Variants in EFCAB12 observed in about 807,000 individuals in gnomAD.
EFCAB12 encodes the protein EF-hand calcium-binding domain-containing protein 12.
A neutral mutation model predicts 53.6 loss-of-function variants in EFCAB12; 43 were observed. The observed-to-expected ratio is 0.80, with a 90% CI of 0.63 to 1.03. The LOEUF (loss-of-function observed/expected upper bound fraction) is 1.03. Among genes scored for constraint, EFCAB12 ranks in the 50% least tolerant of loss-of-function variants. The pLI is 0.00. For missense variants in EFCAB12, 646 were observed against 730.6 expected (o/e 0.88, Z 1.34); for synonymous variants, 269 against 289.2 (o/e 0.93, Z 0.71).
intron 1 of EFCAB12, among the ~76,000 whole-genome samples, chr3:129,422,142 T>A (rs188858517): frequency 1.3e-5 from 2 of 152,302 alleles, no homozygotes; most frequent in Non-Finnish European, 2.9e-5. Context: ...GAGCAGAGGC[T>A]TTGGGGCCAG....
rs1466529982 is a variant in EFCAB12, at chr3:129,404,390, T to C, written c.1263A>G (p.Pro421=). 4 of 1,613,186 alleles carry C rather than the reference T, an allele frequency of 2.5e-6. No homozygotes were observed. Among genetic ancestry groups the C allele is most frequent in the Non-Finnish European group, 3.4e-6 (4 of 1,179,688 alleles). The part of the protein sequence containing the change: ...EDILMKALLY[P]GDKIIFQMDK... ...CCATCTGGAAAATGATCTTGTCTCCTGGGTACAGCAAGGCTGTGGACAGCA... is the reference window on the plus strand; with the variant it reads ...CCATCTGGAAAATGATCTTGTCTCCCGGGTACAGCAAGGCTGTGGACAGCA... Residue 421 remains proline (P), a synonymous_variant, in exon 7 of 9, where the codon CCA becomes CCG. Transcript: ENST00000505956.
chr3:129,411,441 C>A, intron 4 of EFCAB12, 87 bp from the exon 5 acceptor site: 2 of 1,361,720 alleles, frequency 1.5e-6, no homozygotes, highest in Non-Finnish European at 1.0e-6. Context: ...CAGTGTCACC[C>A]AGCAGGCACC....
intron 3 of EFCAB12, among the ~76,000 whole-genome samples, chr3:129,416,417 CA>C (rs2072115667): frequency 7.0e-6 from 1 of 143,070 alleles, no homozygotes; most frequent in Non-Finnish European, 1.5e-5. Flanking sequence ...AGCTCCGTCT[CA>C]AAACAAACAA....
rs568767752 is a variant in EFCAB12, at chr3:129,408,743, A to G, written c.1151T>C (p.Ile384Thr). 25 of 1,584,684 alleles carry G rather than the reference A, an allele frequency of 1.6e-5. No individual in the cohort carries two copies. Among genetic ancestry groups the G allele is most frequent in the African/African-American group, 1.1e-4 (8 of 74,412 alleles). Residue 384 changes from isoleucine to threonine, a missense_variant, in exon 6 of 9, where the codon ATT becomes ACT. Ile to Thr is a moderately conservative substitution (Grantham distance 89, BLOSUM62 -1). Transcript: ENST00000505956. ...STIHGDMREL[I>T]DSARRHNFLV... is the part of the protein sequence containing the mutation. ...AAAGTTGTGCCTGCGGGCCGAGTCA[A>G]TGAGCTCCCTCATATCCCCGTGGAT... is the stretch of plus-strand genomic sequence containing the variant.
intron 3 of EFCAB12, among the ~76,000 whole-genome samples, chr3:129,417,537 A>T (rs1418741711): frequency 6.6e-6 from 1 of 152,186 alleles, no homozygotes; most frequent in Non-Finnish European, 1.5e-5. Context: ...TTTAAAAAAC[A>T]GGAAGCAGGC....
At chr3:129,411,565 C>T (rs1457043981) in intron 4 of EFCAB12, 3 of 462,092 alleles carry the variant, frequency 6.5e-6, no homozygotes, top group Non-Finnish European at 1.1e-5. Context: ...TCCCTTACTG[C>T]ACCAACCCCA....
At chr3:129,408,326 G>A (rs78800293) in intron 6 of EFCAB12, among the ~76,000 whole-genome samples, 4,168 of 152,206 alleles carry the variant, frequency 0.027, 169 homozygotes, top group African/African-American at 0.094. Flanking sequence ...TTTCTCACTT[G>A]GAACTCCTGT....
At chr3:129,412,971 T>G (rs2072064814) in intron 4 of EFCAB12, 1 of 152,238 alleles carries the variant, frequency 6.6e-6, no homozygotes, top group Admixed American at 6.5e-5. Context: ...CGTCTCAAGC[T>G]GAAATAATAT....
chr3:129,415,612 G>A (rs1166306836), intron 3 of EFCAB12, among the ~76,000 whole-genome samples: 2 of 152,146 alleles, frequency 1.3e-5, no homozygotes, highest in African/African-American at 4.8e-5. Flanking sequence ...CCTTTGCTCA[G>A]GCAGTTCCCC....
intron 2 of EFCAB12, among the ~76,000 whole-genome samples, chr3:129,419,497 T>A (rs1486900834): frequency 2.0e-5 from 3 of 152,204 alleles, no homozygotes; most frequent in Non-Finnish European, 4.4e-5. Flanking sequence ...ATTTATGGAT[T>A]AATGGATTAA....
intron 1 of EFCAB12, among the ~76,000 whole-genome samples, chr3:129,423,251 T>C (rs1401538355): frequency 6.6e-6 from 1 of 152,248 alleles, no homozygotes; most frequent in East Asian, 1.9e-4. Context: ...ATTTTACTTC[T>C]GAAATGATAT....
In EFCAB12 at chr3:129,417,346, A is replaced by G. The variant is rs904109662; in HGVS notation, c.681+908T>C. Reference sequence around the variant, plus strand: ...CTCAAAAAAAAAAAAAAAACCAAAAAAAAAAAACCCAAAACCAAAAAAAAA... The same window carrying G: ...CTCAAAAAAAAAAAAAAAACCAAAAGAAAAAAACCCAAAACCAAAAAAAAA... On this transcript the variant is annotated intron_variant, in intron 3 of 8. Coordinates refer to ENST00000505956, the MANE Select transcript of EFCAB12 (RefSeq NM_207307.3). Among the ~76,000 whole-genome samples the G allele has an allele frequency of 5.0e-4, 72 of 143,790 alleles. No homozygotes were observed. In the South Asian group the frequency reaches 0.013, roughly 25 times the overall value. The allele number at this position is 143,790 out of a possible 152,430, so 94.3% of individuals were successfully genotyped here. A position where few individuals can be genotyped will look rare whatever the true frequency, so the allele number is the denominator to read the frequency against.
chr3:129,401,716 A>C lies in EFCAB12; in HGVS notation c.1596T>G (p.Cys532Trp). 6.3e-7 allele frequency: 1 copy of C among 1,597,422 alleles called. No individual in the cohort carries two copies. The highest frequency in any genetic ancestry group is 1.3e-5 in the African/African-American group (1 of 74,812). ...ATDRSLALFS[C>W]VQHQPHVYPA... Reference sequence around the variant, plus strand: ...GGTAGACATGGGGCTGGTGTTGAACACAACTGAAGAGCGCCAGGCTCCGGT... The same window carrying C: ...GGTAGACATGGGGCTGGTGTTGAACCCAACTGAAGAGCGCCAGGCTCCGGT... The change falls in exon 9 of 9, where the codon TGT becomes TGG. Residue 532 changes from cysteine (C) to tryptophan (W), a missense_variant. Coordinates refer to ENST00000505956, the MANE Select transcript of EFCAB12 (RefSeq NM_207307.3).
At position 129,411,169 on chromosome 3, in the gene EFCAB12, G is replaced by T. The variant is rs375114254; in HGVS notation, c.1024C>A (p.Arg342=). The change falls in exon 5 of 9, where the codon CGA becomes AGA. Residue 342 remains arginine, a synonymous_variant. Transcript: ENST00000505956. ...GGCTGGCGAGGTACCTTGTGCTGTCGCTGCCGCTCGCGGTACCGCTTGCCC... is the reference window on the plus strand; with the variant it reads ...GGCTGGCGAGGTACCTTGTGCTGTCTCTGCCGCTCGCGGTACCGCTTGCCC... ...EVGKRYRERQ[R]QHKLTIPSIQ... 6.3e-7 allele frequency: 1 copy of T among 1,588,052 alleles called. No individual in the cohort carries two copies. Among genetic ancestry groups the T allele is most frequent in the Admixed American group, 1.8e-5 (1 of 54,980 alleles).
chr3:129,428,241 T>G (rs1455131848), intron 1 of EFCAB12, among the ~76,000 whole-genome samples, 199 bp downstream of exon 1: 1 of 152,180 alleles, frequency 6.6e-6, no homozygotes, highest in Non-Finnish European at 1.5e-5. Flanking sequence ...TCCCGTCACA[T>G]GGGTCGGGCC....
intron 8 of EFCAB12, among the ~76,000 whole-genome samples, chr3:129,402,244 G>A (rs2071882376): frequency 6.6e-6 from 1 of 152,216 alleles, no homozygotes; most frequent in Non-Finnish European, 1.5e-5. Flanking sequence ...GTGCGACTCT[G>A]AGCATGATAT....
Position 129,414,124 on chromosome 3 carries a change from G to T in EFCAB12, c.838+1121C>A, listed in dbSNP as rs1392598751. The T allele has an allele frequency of 1.3e-5, 2 of 152,262 alleles. 1 individual carries two copies. Among genetic ancestry groups the T allele is most frequent in the African/African-American group, 4.8e-5 (2 of 41,454 alleles). The allele number at this position is 152,262 out of a possible 1,614,324, so 9.4% of individuals were successfully genotyped here. ...TTGGGGTGGTGACACATGCAGGAGC[G>T]ACTGTTGGGGTGCTGAGCTTCCCTG... On this transcript the variant is annotated intron_variant, in intron 4 of 8. Coordinates refer to ENST00000505956, the MANE Select transcript of EFCAB12 (RefSeq NM_207307.3).
chr3:129,408,866 G>A lies in EFCAB12; in HGVS notation c.1036-8C>T, dbSNP rs775087591. Reference sequence around the variant, plus strand: ...GATGGAGGGGATCGTGAGCTGCGAAGGAAGCAGAAAGGGGCTCGCCCTTCT... The same window carrying A: ...GATGGAGGGGATCGTGAGCTGCGAAAGAAGCAGAAAGGGGCTCGCCCTTCT... On this transcript the variant is annotated splice_polypyrimidine_tract_variant and splice_region_variant and intron_variant, in intron 5 of 8. Coordinates refer to ENST00000505956, the MANE Select transcript of EFCAB12 (RefSeq NM_207307.3). 20 of 1,561,618 alleles carry A rather than the reference G, an allele frequency of 1.3e-5. No homozygotes were observed. In the South Asian group the frequency reaches 2.4e-4, roughly 18 times the overall value.
rs6790768 is a variant in EFCAB12, at chr3:129,418,292, T to C, written c.643A>G (p.Arg215Gly). The C allele has an allele frequency of 2.4e-3, 3,802 of 1,613,158 alleles. 67 individuals carry two copies. The African/African-American group carries it at 0.039, about 16-fold the overall frequency. ...FHKVGQGENQ[R>G]ITREEFIAAV... Reference sequence around the variant, plus strand: ...GCGATGAACTCCTCCCTGGTGATTCTCTGGTTCTCACCCTGGCCCACCTTG... The same window carrying C: ...GCGATGAACTCCTCCCTGGTGATTCCCTGGTTCTCACCCTGGCCCACCTTG... The change falls in exon 3 of 9, where the codon AGA (arginine) becomes GGA (glycine). Residue 215 changes from arginine to glycine, a missense_variant. Coordinates refer to ENST00000505956, the MANE Select transcript of EFCAB12 (RefSeq NM_207307.3).
Sources: gnomAD v4.1 joint callset for allele counts (sites outside exome capture counted in the v4.1 genomes callset) on GRCh38, gnomAD v4.1.1 for gene constraint, MANE v1.5 for transcripts, NCBI Gene and HGNC (gene_info 2026-07-23, HGNC 2026-07-21) for gene names.